Variants in XRCC4 observed in about 807,000 individuals in gnomAD.
XRCC4 encodes the protein X-ray repair cross complementing 4.
A neutral mutation model predicts 39.1 loss-of-function variants in XRCC4; 28 were observed. The observed-to-expected ratio is 0.72, with a 90% confidence interval of 0.53 to 0.98. The LOEUF (loss-of-function observed/expected upper bound fraction) is 0.98. Among genes scored for constraint, XRCC4 ranks in the 50% least tolerant of loss-of-function variants. XRCC4 has a pLI of 0.00. For synonymous variants in XRCC4, 123 were observed against 126.4 expected (o/e 0.97, Z 0.18); for missense variants, 350 against 376.4 (o/e 0.93, Z 0.58).
At chr5:83,270,657 C>G (rs1754109212) in intron 7 of XRCC4, among the ~76,000 whole-genome samples, 1 of 152,006 alleles carries the variant, frequency 6.6e-6, no homozygotes, top group Non-Finnish European at 1.5e-5. Flanking sequence ...CCAGTGCCTT[C>G]CCATTGTACT....
chr5:83,211,189 CTG>C lies in XRCC4; in HGVS notation c.745+6271_745+6272del, dbSNP rs1751631485. On this transcript the variant is annotated intron_variant, in intron 6 of 7. Coordinates refer to ENST00000396027, the MANE Select transcript of XRCC4 (RefSeq NM_003401.5). ...TGAAGTTTGGGTAAGAACTGGGAGTCTGTGGATTTCTTGCTTGCCTAAGACTG... is the reference window on the plus strand; with the variant it reads ...TGAAGTTTGGGTAAGAACTGGGAGTCTGGATTTCTTGCTTGCCTAAGACTG... Among the ~76,000 whole-genome samples the C allele has an allele frequency of 2.0e-5, 3 of 152,302 alleles. No homozygotes were observed. The South Asian group carries it at 6.2e-4, about 32-fold the overall frequency.
In XRCC4 at chr5:83,192,511, A is replaced by G. The variant is rs532059532; in HGVS notation, c.316-3259A>G. ...ATTTTAGTAGAGACAGGGTTTCACC[A>G]TGTTGCCCAGGCTGGTCTCAAACTC... is the stretch of plus-strand genomic sequence containing the variant. On this transcript the variant is annotated intron_variant, in intron 3 of 7. Coordinates refer to ENST00000396027, the MANE Select transcript of XRCC4 (RefSeq NM_003401.5). 1.5e-3 allele frequency among the ~76,000 whole-genome samples: 225 copies of G among 151,948 alleles called. 3 individuals carry two copies. Among genetic ancestry groups the G allele is most frequent in the Admixed American group, 0.015 (225 of 15,264 alleles).
At chr5:83,215,241 A>C (rs1429388007) in intron 6 of XRCC4, among the ~76,000 whole-genome samples, 2 of 152,052 alleles carry the variant, frequency 1.3e-5, no homozygotes, top group Admixed American at 6.6e-5. Context: ...TGGGAGGCTG[A>C]GACAGGAGGA....
intron 3 of XRCC4, among the ~76,000 whole-genome samples, chr5:83,165,616 C>A (rs908414516): frequency 6.6e-6 from 1 of 152,008 alleles, no homozygotes; most frequent in African/African-American, 2.4e-5. Flanking sequence ...TTTCCTGATC[C>A]TCTCCCTCTC....
chr5:83,268,748 T>C (rs1327193772), intron 7 of XRCC4, among the ~76,000 whole-genome samples: 3 of 152,150 alleles, frequency 2.0e-5, no homozygotes, highest in Non-Finnish European at 4.4e-5. Context: ...ACACATTCTG[T>C]TATGGATGTA....
intron 1 of XRCC4, among the ~76,000 whole-genome samples, chr5:83,082,552 T>G (rs1744991269): frequency 6.6e-6 from 1 of 152,250 alleles, no homozygotes; most frequent in African/African-American, 2.4e-5. Context: ...ATTACTTTTT[T>G]GCTTAAAAAC....
intron 3 of XRCC4, among the ~76,000 whole-genome samples, chr5:83,122,310 T>C (rs1747049244): frequency 6.6e-6 from 1 of 152,116 alleles, no homozygotes; most frequent in African/African-American, 2.4e-5. Flanking sequence ...TACATCCATA[T>C]ATTTAGGTCA....
At chr5:83,121,978 T>C (rs1436149381) in intron 3 of XRCC4, among the ~76,000 whole-genome samples, 4 of 152,158 alleles carry the variant, frequency 2.6e-5, no homozygotes, top group Admixed American at 2.6e-4. Context: ...GAAAATCAAT[T>C]AACCACGTGT....
chr5:83,297,749 A>G (rs2112991643), intron 7 of XRCC4, among the ~76,000 whole-genome samples: 1 of 152,050 alleles, frequency 6.6e-6, no homozygotes, highest in African/African-American at 2.4e-5. Context: ...AAATTGTTAA[A>G]TAGGAACATG....
chr5:83,257,255 G>A (rs1323592717), intron 6 of XRCC4, among the ~76,000 whole-genome samples: 4 of 151,356 alleles, frequency 2.6e-5, no homozygotes, highest in African/African-American at 7.3e-5. Flanking sequence ...ATTCAAAATC[G>A]ACTCAGTTTC....
At chr5:83,165,387 T>C (rs1749416531) in intron 3 of XRCC4, among the ~76,000 whole-genome samples, 1 of 152,198 alleles carries the variant, frequency 6.6e-6, no homozygotes, top group Admixed American at 6.5e-5. Context: ...GAGAATTTTA[T>C]ATCTGACTGG....
At chr5:83,096,955 A>G (rs1745705414) in intron 1 of XRCC4, among the ~76,000 whole-genome samples, 1 of 152,150 alleles carries the variant, frequency 6.6e-6, no homozygotes, top group Non-Finnish European at 1.5e-5. Context: ...TGGCCCCTGG[A>G]TATATTAGAA....
intron 1 of XRCC4, among the ~76,000 whole-genome samples, chr5:83,080,476 A>T (rs752016740): frequency 5.3e-5 from 8 of 151,558 alleles, no homozygotes; most frequent in Non-Finnish European, 1.2e-4. Context: ...CAGTGAGCCG[A>T]GATTGTGCCA....
chr5:83,112,558 T>A (rs1746493283), intron 3 of XRCC4, among the ~76,000 whole-genome samples: 1 of 152,190 alleles, frequency 6.6e-6, no homozygotes, highest in South Asian at 2.1e-4. Flanking sequence ...CTTGGTACAG[T>A]TGGCATGTAT....
At chr5:83,089,533 G>A (rs1047143175) in intron 1 of XRCC4, among the ~76,000 whole-genome samples, 3 of 152,128 alleles carry the variant, frequency 2.0e-5, no homozygotes, top group African/African-American at 7.2e-5. Context: ...CATCTATCTA[G>A]GGTTAGTGTC....
intron 1 of XRCC4, among the ~76,000 whole-genome samples, chr5:83,094,622 A>G (rs1027428200): frequency 6.7e-6 from 1 of 149,336 alleles, no homozygotes; most frequent in African/African-American, 2.5e-5. Flanking sequence ...CAAACTTTTC[A>G]TTTTGTTCAT....
chr5:83,302,561 C>T (rs1755328114), intron 7 of XRCC4, among the ~76,000 whole-genome samples: 1 of 152,146 alleles, frequency 6.6e-6, no homozygotes, highest in Admixed American at 6.5e-5. Flanking sequence ...ACGGGTACCT[C>T]AGTTGGAAAT....
At chr5:83,367,061 C>G in the XRCC4 span, among the ~76,000 whole-genome samples, 1 of 152,126 alleles carries the variant, frequency 6.6e-6, no homozygotes, top group African/African-American at 2.4e-5. Flanking sequence ...AACTTTGTTG[C>G]CTAGAACGAT....
chr5:83,184,177 A>G (rs1750330384), intron 3 of XRCC4, among the ~76,000 whole-genome samples: 1 of 152,132 alleles, frequency 6.6e-6, no homozygotes, highest in African/African-American at 2.4e-5. Context: ...CAAACATAAA[A>G]TTAACATACT....
Sources: allele counts gnomAD v4.1 joint callset (sites outside exome capture counted in the v4.1 genomes callset), GRCh38; gene constraint gnomAD v4.1.1; transcripts MANE v1.5; gene names NCBI Gene and HGNC (gene_info 2026-07-23, HGNC 2026-07-21).